Variants in CD58 observed in about 807,000 individuals in gnomAD.
CD58 encodes lymphocyte function-associated antigen 3.
A neutral mutation model predicts 27.6 loss-of-function variants in CD58; 14 were observed. The ratio of observed to expected loss-of-function variants is 0.51; its 90% CI spans 0.34 to 0.79. The LOEUF is 0.79. Ranked by LOEUF, CD58 falls within the 30% of genes least tolerant of loss-of-function variation. The probability of loss-of-function intolerance (pLI) is 0.02; values close to 1 mark genes in which losing one functional copy is unlikely to be tolerated. For missense variants in CD58, 268 were observed against 301.7 expected, an observed-to-expected ratio of 0.89 and a Z score of 0.83; for synonymous variants, 117 against 103.8, an observed-to-expected ratio of 1.13 and a Z score of -0.77.
chr1:116,558,798 A>G (rs1353888577), intron 1 of CD58, among the ~76,000 whole-genome samples: 1 of 152,248 alleles, frequency 6.6e-6, no homozygotes, highest in Non-Finnish European at 1.5e-5. Context: ...GATTCACTGC[A>G]GGCTTACTAT....
intron 1 of CD58, among the ~76,000 whole-genome samples, chr1:116,566,193 T>C (rs767126571): frequency 2.0e-5 from 3 of 152,238 alleles, no homozygotes; most frequent in Non-Finnish European, 4.4e-5. Flanking sequence ...AATCTTTAAC[T>C]GTATTTAGTA....
rs1657247055 is a variant in CD58 at position 116,521,027 on chromosome 1, G to A, written c.706+879C>T. Among the ~76,000 whole-genome samples, 1 of 152,178 alleles carries A rather than the reference G, an allele frequency of 6.6e-6. No individual in the cohort carries two copies. The highest frequency in any genetic ancestry group is 1.5e-5 in the Non-Finnish European group (1 of 68,030). ...AGCCAGATGTAGGTATTGAGCACTT[G>A]AAAGGTGGTTAGTGTAACTGAGGAA... On this transcript the variant is annotated intron_variant, in intron 4 of 5. Transcript: ENST00000369489. This position sits in a 1 kb window ranked among gnomAD's most constrained non-coding sequence, Gnocchi z 5.6.
In CD58 at chr1:116,557,946, T is replaced by G. The variant is rs1386646699; in HGVS notation, c.70+12957A>C. Among the ~76,000 whole-genome samples, 1 of 152,030 alleles carries G rather than the reference T, an allele frequency of 6.6e-6. No individual in the cohort carries two copies. The highest frequency in any genetic ancestry group is 1.5e-5 in the Non-Finnish European group (1 of 68,008). ...CCCTGGGCCTTCTGAAGTGCTGAGA[T>G]TACAAGCATGAGCCACCATGCCCAG... On this transcript the variant is annotated intron_variant, in intron 1 of 5. Transcript: ENST00000369489. This position sits in a 1 kb window ranked among gnomAD's most constrained non-coding sequence, Gnocchi z 5.2.
chr1:116,518,377 C>T (rs1373096732), intron 5 of CD58, among the ~76,000 whole-genome samples: 5 of 151,956 alleles, frequency 3.3e-5, no homozygotes, highest in African/African-American at 4.8e-5. Context: ...GTGTCCTCAT[C>T]TCATCTCCTA....
rs12131793 is a variant in CD58, at chr1:116,532,140, G to A, written c.628+3825C>T. On this transcript the variant is annotated intron_variant, in intron 3 of 5. Coordinates refer to ENST00000369489, the MANE Select transcript of CD58 (RefSeq NM_001779.3). The surrounding 1 kb of genome is among the most constrained non-coding windows in gnomAD (Gnocchi z 5.1). Reference sequence around the variant, plus strand: ...GCCTGTGTCACGAGGACAGGCTCGCGTCTTCAGCCCTGGTGGCAGGAAGCA... The same window carrying A: ...GCCTGTGTCACGAGGACAGGCTCGCATCTTCAGCCCTGGTGGCAGGAAGCA... 0.02 allele frequency among the ~76,000 whole-genome samples: 2,994 copies of A among 152,348 alleles called. 49 individuals carry two copies. The highest frequency in any genetic ancestry group is 0.03 in the Non-Finnish European group (2,033 of 68,034).
rs1279794043 is a variant in CD58 at position 116,517,613 on chromosome 1, T to G, written c.743+1618A>C. On this transcript the variant is annotated intron_variant, in intron 5 of 5. Coordinates refer to ENST00000369489, the MANE Select transcript of CD58 (RefSeq NM_001779.3). The surrounding 1 kb of genome is among the most constrained non-coding windows in gnomAD (Gnocchi z 6.5). ...TCTGCAGCTTTAACATGTAGCCTCC[T>G]CCCTCGAGTCTCTAACCCGGGGCTA... Among the ~76,000 whole-genome samples, 1 of 152,166 alleles carries G rather than the reference T, an allele frequency of 6.6e-6. No individual in the cohort carries two copies. The highest frequency in any genetic ancestry group is 1.9e-4 in the East Asian group (1 of 5,204).
chr1:116,562,051 T>C (rs567632613), intron 1 of CD58, among the ~76,000 whole-genome samples: 1 of 152,080 alleles, frequency 6.6e-6, no homozygotes, highest in Non-Finnish European at 1.5e-5. Flanking sequence ...AAGTCTCAAC[T>C]CCAGCAAAGC....
At chr1:116,529,498 A>G (rs894138757) in intron 3 of CD58, among the ~76,000 whole-genome samples, 2 of 152,214 alleles carry the variant, frequency 1.3e-5, no homozygotes, top group Non-Finnish European at 2.9e-5. Context: ...TCATCTTCTT[A>G]CTTTTACTTC....
At chr1:116,562,292 A>G (rs1658781662) in intron 1 of CD58, among the ~76,000 whole-genome samples, 1 of 152,330 alleles carries the variant, frequency 6.6e-6, no homozygotes, top group Non-Finnish European at 1.5e-5. Context: ...CAACAGCAGA[A>G]TAAGACAGAC....
intron 3 of CD58, chr1:116,533,578 T>A: frequency 1.4e-6 from 1 of 711,558 alleles, no homozygotes; most frequent in Non-Finnish European, 2.7e-6. Flanking sequence ...ACTTAGCATA[T>A]CTACATTTCT....
intron 2 of CD58, among the ~76,000 whole-genome samples, chr1:116,542,095 A>G (rs1193342053): frequency 6.6e-6 from 1 of 152,210 alleles, no homozygotes; most frequent in Non-Finnish European, 1.5e-5. Flanking sequence ...CCTGACCAAC[A>G]TGGTGAAACC....
In CD58 at chr1:116,541,752, A is replaced by G. The variant is rs1015208932; in HGVS notation, c.364+2559T>C. On this transcript the variant is annotated intron_variant, in intron 2 of 5. Transcript: ENST00000369489. This position sits in a 1 kb window ranked among gnomAD's most constrained non-coding sequence, Gnocchi z 5.3. ...GGAGAGGTACACTGGGCAGTCAGGT[A>G]TACACATAAGGAGCTCGGCGGGGTA... Among the ~76,000 whole-genome samples the G allele has an allele frequency of 2.6e-5, 4 of 152,318 alleles. No homozygotes were observed. The highest frequency in any genetic ancestry group is 9.6e-5 in the African/African-American group (4 of 41,574).
At chr1:116,558,112 T>C (rs1658640082) in intron 1 of CD58, among the ~76,000 whole-genome samples, 1 of 146,958 alleles carries the variant, frequency 6.8e-6, no homozygotes, top group Admixed American at 6.9e-5. Context: ...AGGCTCACAC[T>C]GCCTGCAGAT....
chr1:116,528,651 G>A lies in CD58; in HGVS notation c.629-6668C>T, dbSNP rs74111624. ...TTAGAGTTCTGTGTCAATGTGGAGGGTGTTACAATCATCCTACTTCTTCCC... is the reference window on the plus strand; with the variant it reads ...TTAGAGTTCTGTGTCAATGTGGAGGATGTTACAATCATCCTACTTCTTCCC... On this transcript the variant is annotated intron_variant, in intron 3 of 5. Transcript: ENST00000369489. This position sits in a 1 kb window ranked among gnomAD's most constrained non-coding sequence, Gnocchi z 4.4. 0.044 allele frequency among the ~76,000 whole-genome samples: 6,700 copies of A among 152,236 alleles called. 473 individuals are homozygous for A. Among genetic ancestry groups the A allele is most frequent in the African/African-American group, 0.15 (6,281 of 41,482 alleles).
chr1:116,526,006 G>A (rs1657418609), intron 3 of CD58, among the ~76,000 whole-genome samples: 1 of 152,152 alleles, frequency 6.6e-6, no homozygotes, highest in African/African-American at 2.4e-5. Context: ...TTGGAGAAGT[G>A]TGTGATGAGA....
chr1:116,553,480 A>T (rs1485995908), intron 1 of CD58, among the ~76,000 whole-genome samples: 2 of 152,158 alleles, frequency 1.3e-5, no homozygotes, highest in Non-Finnish European at 2.9e-5. Context: ...GATGATTGAC[A>T]GCATATGGGG....
rs1657316030 is a variant in CD58 at position 116,522,975 on chromosome 1, T to A, written c.629-992A>T. ...CTCACAGGGTAACTATACTCGAGAC[T>A]AATAAATATACTTATCTCATAGGGT... On this transcript the variant is annotated intron_variant, in intron 3 of 5. Transcript: ENST00000369489. This position sits in a 1 kb window ranked among gnomAD's most constrained non-coding sequence, Gnocchi z 4.6. Among the ~76,000 whole-genome samples the A allele has an allele frequency of 6.6e-6, 1 of 152,222 alleles. No individual in the cohort carries two copies.
rs201736254 is a variant in CD58 at position 116,531,831 on chromosome 1, G to A, written c.628+4134C>T. 2.6e-5 allele frequency among the ~76,000 whole-genome samples: 4 copies of A among 152,260 alleles called. No individual in the cohort carries two copies. In the East Asian group the frequency reaches 5.8e-4, roughly 22 times the overall value. ...GAAAACACTGTATTCAGTTATAAAT[G>A]TGTTCTAAGGTTAGGCTGAGCACTC... On this transcript the variant is annotated intron_variant, in intron 3 of 5. Transcript: ENST00000369489. The surrounding 1 kb of genome is among the most constrained non-coding windows in gnomAD (Gnocchi z 4.5).
intron 1 of CD58, among the ~76,000 whole-genome samples, chr1:116,545,158 T>C (rs1658123174): frequency 6.6e-6 from 1 of 151,958 alleles, no homozygotes; most frequent in African/African-American, 2.4e-5. Flanking sequence ...TCCTAACAGC[T>C]AGAATGAGGA....
Sources: gnomAD v4.1 joint callset for allele counts (sites outside exome capture counted in the v4.1 genomes callset) on GRCh38, gnomAD v4.1.1 for gene constraint, Gnocchi (gnomAD v3.1) non-coding constraint, MANE v1.5 for transcripts, NCBI Gene and HGNC (gene_info 2026-07-23, HGNC 2026-07-21) for gene names.